The following ACSS2 variants were observed in gnomAD, a reference collection of about 807,000 sequenced individuals.
ACSS2 encodes acetyl-coenzyme A synthetase, cytoplasmic.
Under a neutral mutation model 90.6 loss-of-function variants are expected in ACSS2, and 58 were observed. The observed-to-expected ratio is 0.64, with a 90% CI of 0.52 to 0.80. The LOEUF (loss-of-function observed/expected upper bound fraction) is 0.80. Ranked by LOEUF, ACSS2 falls within the 30% of genes least tolerant of loss-of-function variation. The pLI is 0.00. For synonymous variants in ACSS2, 300 were observed against 330.9 expected (o/e 0.91, Z 1.01); for missense variants, 759 against 912.0 (o/e 0.83, Z 2.16).
At chr20:34,917,508 A>G (rs912156320) in intron 7 of ACSS2, among the ~76,000 whole-genome samples, 1 of 152,186 alleles carries the variant, frequency 6.6e-6, no homozygotes, top group Non-Finnish European at 1.5e-5. Flanking sequence ...TTTCTAATTT[A>G]TCAAGCTATA....
upstream of ACSS2, chr20:34,876,588 TCA>T (rs556060670): frequency 1.6e-4 from 201 of 1,284,174 alleles, 2 homozygotes; most frequent in South Asian, 2.5e-3. Context: ...GCCTGTTTTC[TCA>T]GTCCCGGCAC....
chr20:34,920,813 A>T, intron 9 of ACSS2, 104 bp downstream of exon 9: 1 of 1,476,592 alleles, frequency 6.8e-7, no homozygotes, highest in Non-Finnish European at 9.2e-7. Flanking sequence ...TTATACAATC[A>T]TCTGTTTTCT....
chr20:34,925,884 C>A, intron 15 of ACSS2, 118 bp downstream of exon 15: 1 of 1,250,070 alleles, frequency 8.0e-7, no homozygotes, highest in Non-Finnish European at 1.1e-6. Flanking sequence ...CTAAGTGTAG[C>A]ATTCAGTTCT....
Position 34,913,161 on chromosome 20 carries a change from A to T in ACSS2, c.440A>T (p.Gln147Leu), listed in dbSNP as rs369200323. The T allele has an allele frequency of 4.3e-6, 7 of 1,614,086 alleles. No homozygotes were observed. In the African/African-American group the frequency reaches 8.0e-5, roughly 18 times the overall value. Residue 147 changes from glutamine to leucine, a missense_variant, in exon 3 of 18, where the codon CAG (glutamine) becomes CTG (leucine). Physicochemically the swap from Gln to Leu is moderately radical, Grantham distance 113. Transcript: ENST00000360596. ...TYHQLLVQVC[Q>L]FSNVLRKQGI... The stretch of plus-strand genomic sequence containing the variant: ...CATCAGCTTCTGGTCCAAGTGTGTC[A>T]GTTCAGCAATGTTCTCCGAAAACAG...
At position 34,921,340 on chromosome 20, in the gene ACSS2, G is replaced by A. The variant is rs373884170; in HGVS notation, c.1288G>A (p.Ala430Thr). 16 of 1,614,026 alleles carry A rather than the reference G, an allele frequency of 9.9e-6. No individual in the cohort carries two copies. The highest frequency in any genetic ancestry group is 1.7e-6 in the Non-Finnish European group (2 of 1,180,032). ...GDEPVTKHSR[A>T]SLQVLGTVGE... ...ATTCCCCTGCCCCAGGCATAGCCGGGCATCCTTGCAGGTGTTAGGCACAGT... is the reference window on the plus strand; with the variant it reads ...ATTCCCCTGCCCCAGGCATAGCCGGACATCCTTGCAGGTGTTAGGCACAGT... The change falls in exon 11 of 18, where the codon GCA becomes ACA. Residue 430 changes from alanine to threonine, a missense_variant. Physicochemically the swap from Ala to Thr is moderately conservative, Grantham distance 58 (BLOSUM62 0). Transcript: ENST00000360596.
intron 1 of ACSS2, among the ~76,000 whole-genome samples, chr20:34,881,018 T>TA (rs2080059543): frequency 3.5e-5 from 1 of 28,524 alleles, no homozygotes; most frequent in African/African-American, 1.6e-4. Context: ...TTCCTCCAAA[T>TA]TTTTTTTTTT....
intron 1 of ACSS2, among the ~76,000 whole-genome samples, chr20:34,878,380 T>C (rs1407782311): frequency 6.6e-6 from 1 of 152,252 alleles, no homozygotes; most frequent in Non-Finnish European, 1.5e-5. Context: ...GGCAAATTTT[T>C]AAGCCTGTCT....
Position 34,921,779 on chromosome 20 carries a change from C to T in ACSS2, c.1468-7C>T, listed in dbSNP as rs1373487603. Reference sequence around the variant, plus strand: ...CTTCTTGGGTTCTGTCTCCCGTTTGCTTCTAGACTTTCCCATTCTTTGGTG... The same window carrying T: ...CTTCTTGGGTTCTGTCTCCCGTTTGTTTCTAGACTTTCCCATTCTTTGGTG... On this transcript the variant is annotated splice_polypyrimidine_tract_variant and splice_region_variant and intron_variant, in intron 12 of 17. Coordinates refer to ENST00000360596, the MANE Select transcript of ACSS2 (RefSeq NM_018677.4). 9 of 1,613,272 alleles carry T rather than the reference C, an allele frequency of 5.6e-6. No homozygotes were observed. The highest frequency in any genetic ancestry group is 7.6e-6 in the Non-Finnish European group (9 of 1,179,722).
At position 34,923,406 on chromosome 20, in the gene ACSS2, T is replaced by C. The variant is rs2081244548; in HGVS notation, c.1632T>C (p.Phe544=). 8 of 1,614,186 alleles carry C rather than the reference T, an allele frequency of 5.0e-6. No individual in the cohort carries two copies. The highest frequency in any genetic ancestry group is 6.8e-6 in the Non-Finnish European group (8 of 1,179,988). Residue 544 remains phenylalanine, a synonymous_variant, in exon 14 of 18, where the codon TTT becomes TTC. Coordinates refer to ENST00000360596, the MANE Select transcript of ACSS2 (RefSeq NM_018677.4). ...ERFETTYFKK[F]PGYYVTGDGC... The stretch of plus-strand genomic sequence containing the variant: ...TTGAGACAACCTACTTTAAGAAGTT[T>C]CCTGGATACTATGTTACAGGAGATG...
At chr20:34,900,434 C>A (rs1407384479) in intron 2 of ACSS2, among the ~76,000 whole-genome samples, 1 of 151,922 alleles carries the variant, frequency 6.6e-6, no homozygotes, top group African/African-American at 2.4e-5. Flanking sequence ...CTTGGCCTCC[C>A]AAAATGTTGG....
chr20:34,882,705 A>G, intron 1 of ACSS2, 89 bp from the exon 2 acceptor site: 2 of 1,238,376 alleles, frequency 1.6e-6, no homozygotes. Context: ...GGAAGTTATA[A>G]TTTGGTCCTG....
intron 7 of ACSS2, among the ~76,000 whole-genome samples, chr20:34,914,691 C>G (rs1350522664): frequency 6.6e-6 from 1 of 152,126 alleles, no homozygotes; most frequent in Non-Finnish European, 1.5e-5. Flanking sequence ...GTTGGGGTAT[C>G]CTTGTGGGCA....
Position 34,927,729 on chromosome 20 carries a change from G to A in ACSS2, c.*515G>A, listed in dbSNP as rs758558109. 3.1e-5 allele frequency: 5 copies of A among 160,828 alleles called. No homozygotes were observed. Among genetic ancestry groups the A allele is most frequent in the Non-Finnish European group, 6.9e-5 (5 of 72,382 alleles). 10.0% of individuals were successfully genotyped at this position (160,828 alleles called of 1,614,324 possible). On this transcript the variant is annotated 3_prime_UTR_variant, in exon 18 of 18. Transcript: ENST00000360596. This position sits in a 1 kb window ranked among gnomAD's most constrained non-coding sequence, Gnocchi z 4.2. ...AGTACTGTCTGCCCATTGGCTCCAG[G>A]GGCTGTATGGGCAGATTCAGTCTCC...
chr20:34,892,934 GT>G (rs960692819), intron 2 of ACSS2, among the ~76,000 whole-genome samples: 20 of 152,242 alleles, frequency 1.3e-4, no homozygotes, highest in African/African-American at 4.6e-4. Context: ...ACAGTCTCAG[GT>G]TCCTCATATG....
At chr20:34,923,868 C>G (rs1013877290) in intron 14 of ACSS2, among the ~76,000 whole-genome samples, 2 of 148,278 alleles carry the variant, frequency 1.3e-5, no homozygotes, top group African/African-American at 5.0e-5. Flanking sequence ...ACCTCTAACA[C>G]TGGGGATCAT....
intron 2 of ACSS2, among the ~76,000 whole-genome samples, chr20:34,895,801 C>T (rs891720626): frequency 2.0e-5 from 3 of 152,128 alleles, no homozygotes; most frequent in Non-Finnish European, 4.4e-5. Context: ...AGGATCTAGA[C>T]ATTTATTCTC....
chr20:34,880,269 C>T (rs1043258677), intron 1 of ACSS2, among the ~76,000 whole-genome samples: 7 of 152,088 alleles, frequency 4.6e-5, no homozygotes, highest in Non-Finnish European at 7.3e-5. Flanking sequence ...ATGGGCTGGG[C>T]GTGGTGGCCC....
chr20:34,887,834 G>T (rs1029981319), intron 2 of ACSS2, among the ~76,000 whole-genome samples: 3 of 152,094 alleles, frequency 2.0e-5, no homozygotes, highest in African/African-American at 7.2e-5. Flanking sequence ...ACTTTGGGAG[G>T]CTGAGGCGGG....
intron 7 of ACSS2, chr20:34,915,228 A>G: frequency 1.2e-6 from 2 of 1,613,876 alleles, no homozygotes; most frequent in Non-Finnish European, 1.7e-6. Flanking sequence ...GGTAAACTGA[A>G]AGAGAAATCC....
Sources: gnomAD v4.1 joint callset for allele counts (sites outside exome capture counted in the v4.1 genomes callset) on GRCh38, gnomAD v4.1.1 for gene constraint, Gnocchi (gnomAD v3.1) non-coding constraint, MANE v1.5 for transcripts, NCBI Gene and HGNC (gene_info 2026-07-23, HGNC 2026-07-21) for gene names.